Variants in GSAP observed in about 807,000 individuals in gnomAD.
GSAP encodes the protein gamma-secretase-activating protein.
Under a neutral mutation model 131.7 loss-of-function variants are expected in GSAP, and 118 were observed. The ratio of observed to expected loss-of-function variants is 0.90; its 90% CI spans 0.77 to 1.04. GSAP has a LOEUF of 1.04. Among genes scored for constraint, GSAP ranks in the 50% least tolerant of loss-of-function variants. The pLI is 0.00. For synonymous variants in GSAP, 381 were observed against 363.4 expected (o/e 1.05, Z -0.55); for missense variants, 1,019 against 1,013.2 (o/e 1.01, Z -0.08).
At chr7:77,398,398 C>G (rs1456555555) in intron 3 of GSAP, among the ~76,000 whole-genome samples, 1 of 143,748 alleles carries the variant, frequency 7.0e-6, no homozygotes, top group African/African-American at 3.0e-5. Context: ...GACTCTTGCT[C>G]TAACTGAGGG....
chr7:77,404,738 G>A (rs1441679493), intron 2 of GSAP, 123 bp from the exon 3 acceptor site: 5 of 649,974 alleles, frequency 7.7e-6, no homozygotes, highest in Non-Finnish European at 1.4e-5. Context: ...GAAGCTTTCT[G>A]TGCCTGTCAG....
chr7:77,399,412 G>A (rs1376395973), intron 3 of GSAP, among the ~76,000 whole-genome samples: 1 of 152,152 alleles, frequency 6.6e-6, no homozygotes, highest in African/African-American at 2.4e-5. Context: ...CCAACCCAGT[G>A]AATTCACTTA....
At chr7:77,388,213 G>A (rs1018617005) in intron 5 of GSAP, among the ~76,000 whole-genome samples, 1 of 152,202 alleles carries the variant, frequency 6.6e-6, no homozygotes, top group South Asian at 2.1e-4. Flanking sequence ...CTCACTCCAT[G>A]CCATTTTTAG....
chr7:77,319,601 A>T (rs1261837779), intron 26 of GSAP, among the ~76,000 whole-genome samples: 1 of 152,224 alleles, frequency 6.6e-6, no homozygotes, highest in African/African-American at 2.4e-5. Context: ...ATATACTCCC[A>T]TGTTTATCAC....
At chr7:77,320,693 T>A (rs779493684) in intron 26 of GSAP, 32 bp downstream of exon 26, 4 of 1,231,274 alleles carry the variant, frequency 3.2e-6, no homozygotes, top group Non-Finnish European at 4.8e-6. Flanking sequence ...AATAAATTTA[T>A]TATACCAAAG....
At chr7:77,342,403 T>A (rs1439970849) in intron 19 of GSAP, among the ~76,000 whole-genome samples, 1 of 152,192 alleles carries the variant, frequency 6.6e-6, no homozygotes, top group Non-Finnish European at 1.5e-5. Context: ...TTGGACAACA[T>A]TCTTTTATGC....
intron 2 of GSAP, among the ~76,000 whole-genome samples, chr7:77,405,787 T>C (rs542456713): frequency 6.0e-4 from 91 of 152,286 alleles, no homozygotes; most frequent in African/African-American, 2.1e-3. Context: ...GATCTGCCCG[T>C]TGCAGCCTTC....
chr7:77,370,246 T>C (rs1372756930), intron 12 of GSAP, among the ~76,000 whole-genome samples: 4 of 151,912 alleles, frequency 2.6e-5, no homozygotes, highest in African/African-American at 9.7e-5. Context: ...TCATCTGAGG[T>C]CAGGAGTTCG....
chr7:77,355,223 A>T lies in GSAP; in HGVS notation c.1328T>A (p.Leu443Gln). The T allele has an allele frequency of 6.2e-7, 1 of 1,609,532 alleles. No individual in the cohort carries two copies. Among genetic ancestry groups the T allele is most frequent in the Non-Finnish European group, 8.5e-7 (1 of 1,176,026 alleles). Residue 443 changes from leucine (L) to glutamine (Q), a missense_variant, in exon 16 of 31, where the codon CTG (leucine) becomes CAG (glutamine). Physicochemically the swap from Leu to Gln is moderately radical, Grantham distance 113 (BLOSUM62 -2). Coordinates refer to ENST00000257626, the MANE Select transcript of GSAP (RefSeq NM_017439.4). Reference sequence around the variant, plus strand: ...GAGCTATCTTCTCACCTGGGCTTCCAGGAACTGCGCACCTTGACCGCAGTA... The same window carrying T: ...GAGCTATCTTCTCACCTGGGCTTCCTGGAACTGCGCACCTTGACCGCAGTA... ...ALYCGQGAQFLEAQIIQWISE... is the reference protein window; with the variant it reads ...ALYCGQGAQFQEAQIIQWISE...
intron 6 of GSAP, 62 bp downstream of exon 6, chr7:77,387,298 A>G (rs1798716062): frequency 8.1e-6 from 7 of 864,118 alleles, no homozygotes; most frequent in African/African-American, 1.7e-5. Context: ...GTAAACCCCA[A>G]TTCTTCTAGG....
intron 14 of GSAP, among the ~76,000 whole-genome samples, chr7:77,358,537 T>C (rs1374757738): frequency 6.6e-6 from 1 of 152,234 alleles, no homozygotes; most frequent in Non-Finnish European, 1.5e-5. Flanking sequence ...GAAAATACTT[T>C]AGTCACTTAT....
chr7:77,378,172 G>A (rs1376576153), intron 8 of GSAP, among the ~76,000 whole-genome samples: 1 of 152,136 alleles, frequency 6.6e-6, no homozygotes, highest in Non-Finnish European at 1.5e-5. Flanking sequence ...CAGTGCTCAA[G>A]GAATGTTTGT....
At position 77,329,359 on chromosome 7, in the gene GSAP, C is replaced by G. The variant is rs201616068; in HGVS notation, c.1707G>C (p.Val569=). ...KTGKRRSAAY[V]RNILDNAVKV... The stretch of plus-strand genomic sequence containing the variant: ...TTACTGCATTATCAAGAATATTCCT[C>G]ACGTATGCCGCAGACCTTCTTTTTC... The change falls in exon 21 of 31, where the codon GTG becomes GTC. Residue 569 remains valine, a synonymous_variant. Transcript: ENST00000257626. 2.5e-6 allele frequency: 4 copies of G among 1,586,174 alleles called. No individual in the cohort carries two copies. The highest frequency in any genetic ancestry group is 3.4e-6 in the Non-Finnish European group (4 of 1,163,798).
At chr7:77,399,674 G>C (rs981061971) in intron 3 of GSAP, among the ~76,000 whole-genome samples, 5 of 150,886 alleles carry the variant, frequency 3.3e-5, no homozygotes, top group African/African-American at 1.2e-4. Context: ...GCATATTGCA[G>C]GGTGAGACCA....
chr7:77,326,146 TA>T, intron 23 of GSAP, 65 bp downstream of exon 23: 1 of 1,014,706 alleles, frequency 9.9e-7, no homozygotes, highest in African/African-American at 1.6e-5. Flanking sequence ...AAGCCCACTG[TA>T]ATCCTTTCCC....
intron 6 of GSAP, among the ~76,000 whole-genome samples, chr7:77,386,436 C>A (rs1448994464): frequency 6.6e-6 from 1 of 152,056 alleles, no homozygotes; most frequent in Non-Finnish European, 1.5e-5. Flanking sequence ...TGATCCAAAC[C>A]CAAACAAGGA....
At chr7:77,362,799 G>T (rs947696411) in intron 12 of GSAP, 139 bp from the exon 13 acceptor site, 8 of 605,876 alleles carry the variant, frequency 1.3e-5, no homozygotes, top group Middle Eastern at 3.9e-4. Context: ...AGTCCTAGAA[G>T]TGGTCTATTA....
chr7:77,368,930 G>A (rs1328005187), intron 12 of GSAP, among the ~76,000 whole-genome samples: 2 of 152,206 alleles, frequency 1.3e-5, no homozygotes, highest in African/African-American at 2.4e-5. Flanking sequence ...ATCCAGAGAT[G>A]TTTAATGAAA....
rs1453630334 is a variant in GSAP, at chr7:77,415,918, G to A, written c.109+295C>T. ...TGCCCTCGCCGTGAGGTGATGCTGAGGGAACCGCCAGCGGCCCGGCCCCTC... is the reference window on the plus strand; with the variant it reads ...TGCCCTCGCCGTGAGGTGATGCTGAAGGAACCGCCAGCGGCCCGGCCCCTC... On this transcript the variant is annotated intron_variant, in intron 1 of 30. Coordinates refer to ENST00000257626, the MANE Select transcript of GSAP (RefSeq NM_017439.4). 3 of 326,634 alleles carry A rather than the reference G, an allele frequency of 9.2e-6. No homozygotes were observed. The East Asian group carries it at 1.5e-4, about 17-fold the overall frequency. 20.2% of individuals were successfully genotyped at this position (326,634 alleles called of 1,614,324 possible).
Sources: gnomAD v4.1 joint callset for allele counts (sites outside exome capture counted in the v4.1 genomes callset) on GRCh38, gnomAD v4.1.1 for gene constraint, MANE v1.5 for transcripts, NCBI Gene and HGNC (gene_info 2026-07-23, HGNC 2026-07-21) for gene names.